EPHB1: variants seen among roughly 807,000 people sequenced by gnomAD.
EPHB1 encodes EPH receptor B1.
Under a neutral mutation model 94.4 loss-of-function variants are expected in EPHB1, and 30 were observed. The ratio of observed to expected loss-of-function variants is 0.32; its 90% CI spans 0.24 to 0.43. EPHB1 has a LOEUF of 0.43. EPHB1 is among the 20% of genes least tolerant of loss of function. EPHB1 has a pLI of 1.00. For synonymous variants in EPHB1, 522 were observed against 489.1 expected (o/e 1.07, Z -0.89); for missense variants, 1,055 against 1,308.3 (o/e 0.81, Z 2.99).
chr3:135,024,483 C>T (rs1334710299), intron 3 of EPHB1, among the ~76,000 whole-genome samples: 2 of 152,150 alleles, frequency 1.3e-5, no homozygotes, highest in Non-Finnish European at 2.9e-5. Flanking sequence ...TTTAGAAACA[C>T]GGATGGACAT....
intron 1 of EPHB1, among the ~76,000 whole-genome samples, chr3:134,868,031 G>A (rs193135441): frequency 1.1e-4 from 17 of 152,332 alleles, no homozygotes; most frequent in Admixed American, 3.3e-4. Context: ...TTCCACCGCA[G>A]CCATGGAGAA....
intron 3 of EPHB1, among the ~76,000 whole-genome samples, chr3:135,044,572 C>T (rs1936942519): frequency 6.6e-6 from 1 of 152,200 alleles, no homozygotes; most frequent in Non-Finnish European, 1.5e-5. Context: ...CACTGCTTCA[C>T]CTCTTTAGGT....
intron 12 of EPHB1, among the ~76,000 whole-genome samples, chr3:135,230,029 C>T (rs1489819703): frequency 6.6e-6 from 1 of 152,156 alleles, no homozygotes; most frequent in South Asian, 2.1e-4. Flanking sequence ...AGAGAGGAAG[C>T]TGTGGTCTCT....
chr3:134,910,275 C>T (rs546458659), intron 1 of EPHB1, among the ~76,000 whole-genome samples: 4 of 152,222 alleles, frequency 2.6e-5, no homozygotes, highest in South Asian at 4.2e-4. Flanking sequence ...ACCAAATGCT[C>T]ACAGCAGAGT....
rs187300855 is a variant in EPHB1 at position 135,161,631 on chromosome 3, A to T, written c.1423-387A>T. Among the ~76,000 whole-genome samples the T allele has an allele frequency of 3.9e-5, 6 of 152,250 alleles. No homozygotes were observed. The East Asian group carries it at 5.8e-4, about 15-fold the overall frequency. ...AGAGAGGCAGGCAGGGGGCAGATGG[A>T]TGTTGCCTAGTTTGAGTCTGCTGAG... On this transcript the variant is annotated intron_variant, in intron 6 of 15. Transcript: ENST00000398015.
chr3:135,026,794 T>A (rs1181084944), intron 3 of EPHB1, among the ~76,000 whole-genome samples: 7 of 143,588 alleles, frequency 4.9e-5, no homozygotes, highest in African/African-American at 1.6e-4. Flanking sequence ...AATCTGTAAA[T>A]TACCTTGGGC....
intron 1 of EPHB1, among the ~76,000 whole-genome samples, chr3:134,900,918 T>G (rs547290740): frequency 3.9e-5 from 6 of 152,268 alleles, no homozygotes; most frequent in African/African-American, 1.4e-4. Context: ...TAGCATACAG[T>G]TGCATGGGGA....
At chr3:134,840,053 T>G (rs2036748103) in intron 1 of EPHB1, among the ~76,000 whole-genome samples, 1 of 152,164 alleles carries the variant, frequency 6.6e-6, no homozygotes, top group African/African-American at 2.4e-5. Flanking sequence ...TCTTTTTTTC[T>G]ACACTCCCCT....
At chr3:134,837,786 G>A (rs982111730) in intron 1 of EPHB1, among the ~76,000 whole-genome samples, 2 of 152,160 alleles carry the variant, frequency 1.3e-5, no homozygotes, top group Non-Finnish European at 2.9e-5. Context: ...GCTATTTGGT[G>A]GAATTTTTAA....
At chr3:134,903,240 G>A (rs1393599029) in intron 1 of EPHB1, among the ~76,000 whole-genome samples, 1 of 152,266 alleles carries the variant, frequency 6.6e-6, no homozygotes, top group African/African-American at 2.4e-5. Context: ...TTATCTGGAG[G>A]TCGTTGGAAG....
chr3:135,079,174 G>A (rs551203664), intron 3 of EPHB1, among the ~76,000 whole-genome samples: 3 of 152,178 alleles, frequency 2.0e-5, no homozygotes, highest in East Asian at 1.9e-4. Context: ...TCTTCTCAGA[G>A]GATTAATGCC....
chr3:134,896,204 G>A (rs759676077), intron 1 of EPHB1, among the ~76,000 whole-genome samples: 3 of 151,522 alleles, frequency 2.0e-5, no homozygotes, highest in Non-Finnish European at 2.9e-5. Context: ...AGCTGCTCAC[G>A]GGCCCATAAG....
At chr3:134,840,078 C>T (rs2036748755) in intron 1 of EPHB1, among the ~76,000 whole-genome samples, 3 of 152,218 alleles carry the variant, frequency 2.0e-5, no homozygotes, top group African/African-American at 7.2e-5. Flanking sequence ...TTGGCACCTC[C>T]GTTAGTGATC....
At chr3:135,183,030 C>CTTTTCTTTCTTTTCTTTTCT (rs11459145) in intron 10 of EPHB1, among the ~76,000 whole-genome samples, 89 of 67,162 alleles carry the variant, frequency 1.3e-3, no homozygotes, top group Non-Finnish European at 2.1e-3. Context: ...CTTTTCTTTT[C>CTTTTCTTTCTTTTCTTTTCT]TTTCTTTCTT....
At chr3:134,838,178 C>A (rs1046541612) in intron 1 of EPHB1, among the ~76,000 whole-genome samples, 4 of 152,190 alleles carry the variant, frequency 2.6e-5, no homozygotes, top group Admixed American at 6.5e-5. Flanking sequence ...AGATTCTGGT[C>A]TGGGTGCAGT....
chr3:134,884,565 G>A (rs2037825060), intron 1 of EPHB1, among the ~76,000 whole-genome samples: 1 of 152,164 alleles, frequency 6.6e-6, no homozygotes, highest in South Asian at 2.1e-4. Context: ...GACTTAATGA[G>A]CATCAGACAC....
intron 3 of EPHB1, among the ~76,000 whole-genome samples, chr3:134,994,783 A>C (rs1934934604): frequency 6.6e-6 from 1 of 152,190 alleles, no homozygotes; most frequent in Admixed American, 6.5e-5. Flanking sequence ...TTAATGTTTC[A>C]TTATGGTTTT....
chr3:135,097,535 G>A (rs1332628066), intron 3 of EPHB1, among the ~76,000 whole-genome samples: 1 of 152,118 alleles, frequency 6.6e-6, no homozygotes, highest in African/African-American at 2.4e-5. Context: ...TCAAGGAAAA[G>A]CACCCCCACC....
chr3:134,972,309 G>A (rs1934000558), intron 3 of EPHB1, among the ~76,000 whole-genome samples: 1 of 132,398 alleles, frequency 7.6e-6, no homozygotes, highest in African/African-American at 3.3e-5. Flanking sequence ...TGGATCTTGA[G>A]GTCTTTCTCT....
Sources: allele counts gnomAD v4.1 joint callset (sites outside exome capture counted in the v4.1 genomes callset), GRCh38; gene constraint gnomAD v4.1.1; transcripts MANE v1.5; gene names NCBI Gene and HGNC (gene_info 2026-07-23, HGNC 2026-07-21).